PHLDB2: variants seen among roughly 807,000 people sequenced by gnomAD.
PHLDB2 encodes pleckstrin homology-like domain family B member 2.
PHLDB2 carries 71 observed loss-of-function variants against 123.6 expected under a neutral mutation model. That is an observed-to-expected ratio of 0.57 (90% CI 0.47 to 0.70). The LOEUF (loss-of-function observed/expected upper bound fraction) is 0.70, where lower values mean the gene tolerates loss of function less well. PHLDB2 is among the 30% of genes least tolerant of loss of function. The pLI is 0.00. For synonymous variants in PHLDB2, 547 were observed against 541.6 expected (o/e 1.01, Z -0.14); for missense variants, 1,446 against 1,519.5 (o/e 0.95, Z 0.80).
intron 1 of PHLDB2, among the ~76,000 whole-genome samples, chr3:111,792,584 G>C (rs980136648): frequency 3.3e-5 from 5 of 152,096 alleles, no homozygotes; most frequent in African/African-American, 9.7e-5. Flanking sequence ...GCACACATCT[G>C]TGTTCCTAAC....
intron 1 of PHLDB2, among the ~76,000 whole-genome samples, chr3:111,800,844 C>G (rs1028948731): frequency 6.6e-6 from 1 of 152,102 alleles, no homozygotes; most frequent in Non-Finnish European, 1.5e-5. Flanking sequence ...CAAAAGAAAG[C>G]TTACTAAATT....
chr3:111,800,268 A>G (rs2061330286), intron 1 of PHLDB2, among the ~76,000 whole-genome samples: 1 of 152,208 alleles, frequency 6.6e-6, no homozygotes, highest in Non-Finnish European at 1.5e-5. Context: ...GGCTTCCCAA[A>G]GTGCTGGGAT....
intron 9 of PHLDB2, among the ~76,000 whole-genome samples, chr3:111,946,747 G>A (rs1251558996): frequency 2.6e-5 from 4 of 152,192 alleles, no homozygotes; most frequent in Non-Finnish European, 5.9e-5. Context: ...CCTTTAAGTG[G>A]TTTTAAGCAG....
chr3:111,873,571 T>A (rs1282840624), intron 1 of PHLDB2, among the ~76,000 whole-genome samples: 4 of 152,206 alleles, frequency 2.6e-5, no homozygotes, highest in African/African-American at 9.6e-5. Flanking sequence ...TTCTTTACTG[T>A]AGGAGTAAAT....
intron 1 of PHLDB2, among the ~76,000 whole-genome samples, chr3:111,787,772 C>T (rs1348619876): frequency 6.6e-6 from 1 of 152,060 alleles, no homozygotes; most frequent in Non-Finnish European, 1.5e-5. Flanking sequence ...ACCCCGGGGT[C>T]GAGTCTCTGG....
chr3:111,914,530 C>T (rs888881411), intron 3 of PHLDB2: 7 of 152,088 alleles, frequency 4.6e-5, no homozygotes, highest in African/African-American at 1.7e-4. Context: ...GTTTAATTTG[C>T]TTTTCTTTAA....
intron 1 of PHLDB2, among the ~76,000 whole-genome samples, chr3:111,769,647 A>G (rs1355737411): frequency 2.0e-5 from 3 of 152,346 alleles, no homozygotes; most frequent in South Asian, 4.1e-4. Context: ...CTCAATTCCA[A>G]CATTTTCCAG....
chr3:111,907,572 T>G lies in PHLDB2; in HGVS notation c.1336-5747T>G, dbSNP rs984998927. ...AGTGTAGTAGCACGACTGGGCTCAC[T>G]GCAACCTTTGCCTCCTGGGTTCAAG... On this transcript the variant is annotated intron_variant, in intron 2 of 17. Coordinates refer to ENST00000431670, the MANE Select transcript of PHLDB2 (RefSeq NM_001134438.2). Among the ~76,000 whole-genome samples the G allele has an allele frequency of 6.6e-5, 10 of 152,280 alleles. No individual in the cohort carries two copies. The South Asian group carries it at 2.1e-3, about 32-fold the overall frequency.
chr3:111,856,411 C>T (rs2064510453), upstream of PHLDB2, among the ~76,000 whole-genome samples: 2 of 152,308 alleles, frequency 1.3e-5, no homozygotes, highest in South Asian at 4.1e-4. Flanking sequence ...CTCTGTGATT[C>T]CTTTTTTACT....
At position 111,921,185 on chromosome 3, in the gene PHLDB2, T is replaced by G. The variant is rs190110092; in HGVS notation, c.2001+766T>G. On this transcript the variant is annotated intron_variant, in intron 5 of 17. Transcript: ENST00000431670. ...GTTTTTTTCCTCTGGGAAATATACA[T>G]TACTCTCCTCTCCCATTCTGAGTTA... Among the ~76,000 whole-genome samples the G allele has an allele frequency of 5.3e-5, 8 of 152,304 alleles. No homozygotes were observed. In the East Asian group the frequency reaches 1.5e-3, roughly 29 times the overall value.
intron 1 of PHLDB2, among the ~76,000 whole-genome samples, chr3:111,791,632 T>G (rs921546641): frequency 1.3e-5 from 2 of 152,234 alleles, no homozygotes; most frequent in African/African-American, 2.4e-5. Context: ...TATAAAATGC[T>G]ATTTTATAGC....
intron 1 of PHLDB2, among the ~76,000 whole-genome samples, chr3:111,741,633 TTGTC>T (rs1215526446): frequency 6.6e-6 from 1 of 152,212 alleles, no homozygotes; most frequent in East Asian, 1.9e-4. Context: ...GAAAAATCCT[TTGTC>T]TGGACTATTT....
rs1038867679 is a variant in PHLDB2, at chr3:111,969,862, G to A, written c.3488G>A (p.Arg1163His). The change falls in exon 16 of 18, where the codon CGT becomes CAT. Residue 1163 changes from arginine (R) to histidine (H), a missense_variant. Around this residue, in one of 3 missense-constraint regions of PHLDB2, gnomAD observed 594 missense variants for 646.0 expected, o/e 0.92. Transcript: ENST00000431670. The stretch of plus-strand genomic sequence containing the variant: ...GGGAAAATTAAAACGTGGAAAAAAC[G>A]TTGGTTTGTTTTTGATCGGAACAAG... ...MGGKIKTWKK[R>H]WFVFDRNKRT... 6.8e-6 allele frequency: 11 copies of A among 1,613,900 alleles called. No homozygotes were observed. Among genetic ancestry groups the A allele is most frequent in the African/African-American group, 2.7e-5 (2 of 74,906 alleles).
chr3:111,836,352 C>T (rs1323804915), intron 1 of PHLDB2, among the ~76,000 whole-genome samples: 1 of 152,068 alleles, frequency 6.6e-6, no homozygotes, highest in African/African-American at 2.4e-5. Context: ...TGAAGAAATT[C>T]ATGAATGCTG....
chr3:111,913,223 G>A, intron 2 of PHLDB2, 96 bp from the exon 3 acceptor site: 1 of 1,328,688 alleles, frequency 7.5e-7, no homozygotes, highest in South Asian at 1.5e-5. Context: ...TGTATGGAAT[G>A]CAAGCACCAG....
chr3:111,857,150 G>C (rs536933560), upstream of PHLDB2, among the ~76,000 whole-genome samples: 18 of 152,050 alleles, frequency 1.2e-4, no homozygotes, highest in Non-Finnish European at 2.6e-4. Context: ...GGCTAAGTGA[G>C]TGATAAAGGG....
chr3:111,805,085 C>T (rs77174113), intron 1 of PHLDB2, among the ~76,000 whole-genome samples: 2 of 152,126 alleles, frequency 1.3e-5, no homozygotes, highest in Admixed American at 6.5e-5. Context: ...TTTCTTAACA[C>T]GTTAAACATA....
chr3:111,758,136 G>A (rs995765289), intron 1 of PHLDB2, among the ~76,000 whole-genome samples: 1 of 152,064 alleles, frequency 6.6e-6, no homozygotes, highest in African/African-American at 2.4e-5. Context: ...CTTCAAAGCT[G>A]TCAGACAGGG....
chr3:111,908,196 C>A (rs564348935), intron 2 of PHLDB2, among the ~76,000 whole-genome samples: 98 of 152,234 alleles, frequency 6.4e-4, no homozygotes, highest in African/African-American at 2.3e-3. Flanking sequence ...AAAGACACTG[C>A]AGCTGAGTAT....
Sources: gnomAD v4.1 joint callset for allele counts (sites outside exome capture counted in the v4.1 genomes callset) on GRCh38, gnomAD v4.1.1 for gene constraint, gnomAD v4.1.1 regional missense constraint, MANE v1.5 for transcripts, NCBI Gene and HGNC (gene_info 2026-07-23, HGNC 2026-07-21) for gene names.